Variants in ZNF280C observed in about 807,000 individuals in gnomAD.
ZNF280C encodes suppressor of hairy wing homolog 3.
Under a neutral mutation model 53.6 loss-of-function variants are expected in ZNF280C, and 14 were observed. That is an observed-to-expected ratio of 0.26 (90% CI 0.17 to 0.41). The LOEUF (loss-of-function observed/expected upper bound fraction) is 0.41, where lower values mean the gene tolerates loss of function less well. Among genes scored for constraint, ZNF280C ranks in the 10% least tolerant of loss-of-function variants. ZNF280C has a pLI of 1.00. For synonymous variants in ZNF280C, 203 were observed against 181.1 expected, an observed-to-expected ratio of 1.12 and a Z score of -0.97; for missense variants, 416 against 547.1, an observed-to-expected ratio of 0.76 and a Z score of 2.39.
At chrX:130,205,882 A>G (rs1349042372) in intron 16 of ZNF280C, among the ~76,000 whole-genome samples, 1 of 109,666 alleles carries the variant, frequency 9.1e-6, no homozygotes, top group Non-Finnish European at 1.9e-5. Flanking sequence ...TGTTAAAAAA[A>G]AAAAAAAAAA....
Position 130,220,785 on chromosome X carries a change from C to T in ZNF280C, c.1396-305G>A, listed in dbSNP as rs7883018. ...ATCCCAATCTATTGTTTGAGAAACC[C>T]TTGACTAAATCCCTCCTCAAACCTA... On this transcript the variant is annotated intron_variant, in intron 12 of 18. Transcript: ENST00000370978. Among the ~76,000 whole-genome samples, 948 of 111,038 alleles carry T rather than the reference C, an allele frequency of 8.5e-3. 12 individuals are homozygous for T. The highest frequency in any genetic ancestry group is 0.029 in the African/African-American group (893 of 30,668).
intron 1 of ZNF280C, among the ~76,000 whole-genome samples, chrX:130,267,530 C>G (rs1047014452): frequency 1.8e-5 from 2 of 111,585 alleles, no homozygotes; most frequent in African/African-American, 6.5e-5. Flanking sequence ...CATCTTCAAA[C>G]AGTTCTAACG....
At chrX:130,252,413 C>T (rs1012985008) in intron 2 of ZNF280C, among the ~76,000 whole-genome samples, 7 of 111,466 alleles carry the variant, frequency 6.3e-5, no homozygotes, top group African/African-American at 2.3e-4. Flanking sequence ...ATTCAACACC[C>T]CTTCGTGTTA....
intron 8 of ZNF280C, among the ~76,000 whole-genome samples, chrX:130,232,967 G>A (rs1431948218): frequency 9.0e-6 from 1 of 111,377 alleles, no homozygotes; most frequent in Non-Finnish European, 1.9e-5. Context: ...ACAAATGGAT[G>A]AGGAGGATGT....
At chrX:130,265,409 T>A (rs1041986276) in intron 1 of ZNF280C, among the ~76,000 whole-genome samples, 1 of 112,404 alleles carries the variant, frequency 8.9e-6, no homozygotes, top group Non-Finnish European at 1.9e-5. Context: ...AAAGATATAA[T>A]ATGGGGAAAA....
In ZNF280C at chrX:130,203,096, G is replaced by A. The variant is rs1350168352; in HGVS notation, c.*1881C>T. ...GGCCCAAGACAGAGCATGTAATAAT[G>A]TCTAATGGTCTGGACAAGTATGAAA... On this transcript the variant is annotated 3_prime_UTR_variant, in exon 19 of 19. Coordinates refer to ENST00000370978, the MANE Select transcript of ZNF280C (RefSeq NM_017666.5). 2 of 111,523 alleles carry A rather than the reference G, an allele frequency of 1.8e-5. No homozygotes were observed. Among genetic ancestry groups the A allele is most frequent in the African/African-American group, 6.5e-5 (2 of 30,757 alleles). 9.2% of individuals were successfully genotyped at this position (111,523 alleles called of 1,213,427 possible).
intron 14 of ZNF280C, 72 bp downstream of exon 14, chrX:130,215,719 G>A: frequency 1.0e-6 from 1 of 969,413 alleles, no homozygotes. Context: ...ATGTGTAAGA[G>A]GGTTTTATGA....
Position 130,268,157 on chromosome X carries a change from T to C in ZNF280C, c.-17+605A>G, listed in dbSNP as rs773459426. Among the ~76,000 whole-genome samples the C allele has an allele frequency of 7.2e-5, 8 of 111,593 alleles. No individual in the cohort carries two copies. The South Asian group carries it at 2.7e-3, about 37-fold the overall frequency. On this transcript the variant is annotated intron_variant, in intron 1 of 18. Transcript: ENST00000370978. Reference sequence around the variant, plus strand: ...ACTCCACGTTTCTCCTCAGGGCTCTTATCCTCTAGACAATAACGGAATAGA... The same window carrying C: ...ACTCCACGTTTCTCCTCAGGGCTCTCATCCTCTAGACAATAACGGAATAGA...
At chrX:130,261,210 G>A (rs1379902680) in intron 1 of ZNF280C, among the ~76,000 whole-genome samples, 1 of 111,781 alleles carries the variant, frequency 8.9e-6, no homozygotes, top group African/African-American at 3.2e-5. Context: ...GGTTCTTTGG[G>A]CTTTTCAAAA....
intron 1 of ZNF280C, among the ~76,000 whole-genome samples, chrX:130,264,442 G>A (rs966314553): frequency 2.7e-5 from 3 of 111,434 alleles, no homozygotes; most frequent in Non-Finnish European, 5.6e-5. Flanking sequence ...TTGTGCAAGA[G>A]AGCTCTATAA....
Position 130,228,968 on chromosome X carries a change from T to C in ZNF280C, c.1147+9A>G. The C allele has an allele frequency of 8.8e-7, 1 of 1,139,275 alleles. No individual in the cohort carries two copies. Among genetic ancestry groups the C allele is most frequent in the Non-Finnish European group, 1.2e-6 (1 of 853,024 alleles). The allele number at this position is 1,139,275 out of a possible 1,213,427, so 93.9% of individuals were successfully genotyped here. A position where few individuals can be genotyped will look rare whatever the true frequency, so the allele number is the denominator to read the frequency against. On this transcript the variant is annotated intron_variant, in intron 10 of 18. Coordinates refer to ENST00000370978, the MANE Select transcript of ZNF280C (RefSeq NM_017666.5). ...CAATATTCAGGATTCCAAAGAAACT[T>C]TCACTTACTAGAAAACTCATGGGGA...
chrX:130,231,778 G>C (rs1311352862), intron 8 of ZNF280C, among the ~76,000 whole-genome samples: 1 of 111,317 alleles, frequency 9.0e-6, no homozygotes, highest in Non-Finnish European at 1.9e-5. Flanking sequence ...TATAATCCCA[G>C]CACTTTGGGA....
chrX:130,242,702 G>A (rs2032406753), intron 5 of ZNF280C, among the ~76,000 whole-genome samples: 1 of 111,433 alleles, frequency 9.0e-6, no homozygotes, highest in South Asian at 3.8e-4. Flanking sequence ...AACACGCCTG[G>A]CTAATTTTTT....
At chrX:130,235,061 T>C (rs73558267) in intron 8 of ZNF280C, among the ~76,000 whole-genome samples, 7,051 of 111,219 alleles carry the variant, frequency 0.063, 550 homozygotes, top group African/African-American at 0.22. Context: ...TAATGCGACA[T>C]GGATATGTCA....
intron 6 of ZNF280C, 47 bp downstream of exon 6, chrX:130,239,535 C>T (rs373941248): frequency 6.3e-6 from 5 of 789,452 alleles, no homozygotes; most frequent in African/African-American, 4.1e-5. Context: ...TATGTATATT[C>T]GACAAGTCTC....
intron 8 of ZNF280C, among the ~76,000 whole-genome samples, chrX:130,232,964 G>T (rs1170255733): frequency 9.0e-6 from 1 of 111,113 alleles, no homozygotes; most frequent in Non-Finnish European, 1.9e-5. Context: ...TATACAAATG[G>T]ATGAGGAGGA....
chrX:130,227,851 C>T (rs144913688), intron 10 of ZNF280C, 69 bp from the exon 11 acceptor site: 100 of 565,311 alleles, frequency 1.8e-4, no homozygotes, highest in Non-Finnish European at 2.7e-4. Context: ...TTTGTACATC[C>T]ACAACAAGTA....
chrX:130,219,222 C>T (rs139373425), intron 13 of ZNF280C, among the ~76,000 whole-genome samples: 453 of 111,256 alleles, frequency 4.1e-3, no homozygotes, highest in African/African-American at 0.014. Flanking sequence ...CGTGGTGGCT[C>T]ATGCCTGTAA....
intron 2 of ZNF280C, among the ~76,000 whole-genome samples, chrX:130,251,279 T>C (rs201425117): frequency 4.0e-5 from 1 of 24,834 alleles, no homozygotes; most frequent in African/African-American, 4.8e-4. Context: ...TAAGGACCTG[T>C]CTCAAAAAAA....
Sources: allele counts gnomAD v4.1 joint callset (sites outside exome capture counted in the v4.1 genomes callset), GRCh38; gene constraint gnomAD v4.1.1; transcripts MANE v1.5; gene names NCBI Gene and HGNC (gene_info 2026-07-23, HGNC 2026-07-21).